USP39: variants seen among roughly 807,000 people sequenced by gnomAD.
USP39 encodes ubiquitin carboxyl-terminal hydrolase 39.
Under a neutral mutation model 66.4 loss-of-function variants are expected in USP39, and 38 were observed. That is an observed-to-expected ratio of 0.57 (90% CI 0.44 to 0.75). The LOEUF (loss-of-function observed/expected upper bound fraction) is 0.75, where lower values mean the gene tolerates loss of function less well. Ranked by LOEUF, USP39 falls within the 30% of genes least tolerant of loss-of-function variation. The pLI is 0.00. For synonymous variants in USP39, 303 were observed against 274.6 expected (o/e 1.10, Z -1.02); for missense variants, 608 against 714.4 (o/e 0.85, Z 1.70).
At chr2:85,630,536 TCAA>T (rs1483997045) in intron 5 of USP39, among the ~76,000 whole-genome samples, 182 bp from the exon 6 acceptor site, 3 of 152,234 alleles carry the variant, frequency 2.0e-5, no homozygotes, top group Admixed American at 6.5e-5. Context: ...CGTATGAAAC[TCAA>T]CGTTAATGAT....
chr2:85,612,146 C>T (rs529805914), upstream of USP39: 4 of 856,236 alleles, frequency 4.7e-6, no homozygotes, highest in African/African-American at 3.4e-5. Flanking sequence ...ACGGAGTTTT[C>T]GGGTCTGGTC....
At chr2:85,614,519 A>T (rs1272379851), upstream of USP39, among the ~76,000 whole-genome samples, 1 of 152,158 alleles carries the variant, frequency 6.6e-6, no homozygotes, top group African/African-American at 2.4e-5. Flanking sequence ...GTATCAAAAA[A>T]ATAAAATGTA....
intron 2 of USP39, among the ~76,000 whole-genome samples, chr2:85,621,025 C>T (rs892659891): frequency 6.6e-6 from 1 of 151,820 alleles, no homozygotes; most frequent in Non-Finnish European, 1.5e-5. Flanking sequence ...AGAGAGGATC[C>T]CACTCTGTAT....
intron 4 of USP39, 105 bp from the exon 5 acceptor site, chr2:85,625,434 G>A (rs1402925732): frequency 2.8e-6 from 4 of 1,448,522 alleles, no homozygotes; most frequent in African/African-American, 1.4e-5. Flanking sequence ...GTGTGTGGTG[G>A]GATGTTCATG....
chr2:85,609,078 G>T, upstream of USP39: 1 of 1,613,836 alleles, frequency 6.2e-7, no homozygotes, highest in Non-Finnish European at 8.5e-7. Flanking sequence ...CTACGTGGAG[G>T]AAGAGTCAGA....
intron 6 of USP39, among the ~76,000 whole-genome samples, chr2:85,631,640 C>G (rs895408871): frequency 2.6e-5 from 4 of 152,142 alleles, no homozygotes; most frequent in African/African-American, 9.7e-5. Flanking sequence ...TAGGGAAATA[C>G]CAGGAGGCTG....
At chr2:85,613,284 A>G (rs2104182443), upstream of USP39, among the ~76,000 whole-genome samples, 1 of 152,196 alleles carries the variant, frequency 6.6e-6, no homozygotes, top group African/African-American at 2.4e-5. Context: ...CCAGGCGGGC[A>G]GATCAAGAGG....
At chr2:85,611,406 G>A (rs963455372), upstream of USP39, 19 of 1,497,444 alleles carry the variant, frequency 1.3e-5, no homozygotes, top group Non-Finnish European at 1.7e-5. Context: ...CTAAAATACA[G>A]CACGGTGGGG....
At chr2:85,628,361 G>A (rs571956381) in intron 5 of USP39, among the ~76,000 whole-genome samples, 1 of 152,082 alleles carries the variant, frequency 6.6e-6, no homozygotes. Context: ...TAGCCAGGAT[G>A]GTCTCGATCT....
intron 2 of USP39, 115 bp downstream of exon 2, chr2:85,619,404 T>A: frequency 9.7e-7 from 1 of 1,027,432 alleles, no homozygotes; most frequent in Non-Finnish European, 1.4e-6. Flanking sequence ...TGAACCTGTC[T>A]AGAGAGTTGT....
chr2:85,645,251 G>T (rs896423737), intron 11 of USP39, 168 bp downstream of exon 11: 31 of 894,006 alleles, frequency 3.5e-5, no homozygotes, highest in African/African-American at 8.6e-5. Flanking sequence ...CTCAATTTTG[G>T]CTACACATTG....
intron 6 of USP39, among the ~76,000 whole-genome samples, chr2:85,635,783 T>C (rs778265949): frequency 2.0e-5 from 3 of 152,166 alleles, no homozygotes; most frequent in Non-Finnish European, 4.4e-5. Context: ...AAAGGTCATA[T>C]TCATTTGTTT....
upstream of USP39, chr2:85,608,953 G>A: frequency 6.2e-7 from 1 of 1,614,200 alleles, no homozygotes; most frequent in Non-Finnish European, 8.5e-7. Context: ...GGTCAGTGTT[G>A]GCTCTGGCGC....
At chr2:85,646,883 C>CTTTTT (rs773751290) in intron 11 of USP39, among the ~76,000 whole-genome samples, 4 of 108,498 alleles carry the variant, frequency 3.7e-5, no homozygotes, top group Non-Finnish European at 5.6e-5. Flanking sequence ...TGACCTGTTG[C>CTTTTT]TTTTTTTTTT....
At position 85,636,042 on chromosome 2, in the gene USP39, T is replaced by C; in HGVS notation, c.950-11T>C. On this transcript the variant is annotated splice_polypyrimidine_tract_variant and intron_variant, in intron 6 of 12. Coordinates refer to ENST00000323701, the MANE Select transcript of USP39 (RefSeq NM_006590.4). ...TAGCTTCAACGTTTTCCACCCTTCC[T>C]TTTTTTCCAGGAGATGGCGTTGACT... 1 of 1,609,768 alleles carries C rather than the reference T, an allele frequency of 6.2e-7. No individual in the cohort carries two copies. Among genetic ancestry groups the C allele is most frequent in the East Asian group, 2.2e-5 (1 of 44,792 alleles).
Position 85,636,043 on chromosome 2 carries a change from T to A in USP39, c.950-10T>A. ...AGCTTCAACGTTTTCCACCCTTCCT[T>A]TTTTTCCAGGAGATGGCGTTGACTT... is the stretch of plus-strand genomic sequence containing the variant. On this transcript the variant is annotated splice_polypyrimidine_tract_variant and intron_variant, in intron 6 of 12. Coordinates refer to ENST00000323701, the MANE Select transcript of USP39 (RefSeq NM_006590.4). 1 of 1,614,104 alleles carries A rather than the reference T, an allele frequency of 6.2e-7. No homozygotes were observed. The highest frequency in any genetic ancestry group is 2.2e-5 in the East Asian group (1 of 44,892).
chr2:85,632,727 C>T (rs1282264100), intron 6 of USP39, among the ~76,000 whole-genome samples: 1 of 151,868 alleles, frequency 6.6e-6, no homozygotes, highest in Admixed American at 6.6e-5. Context: ...GGATTACAGG[C>T]GTGAGCCACC....
At chr2:85,609,072 G>A (rs752757700), upstream of USP39, 7 of 1,613,920 alleles carry the variant, frequency 4.3e-6, no homozygotes, top group East Asian at 2.2e-5. Flanking sequence ...ATCACCCTAC[G>A]TGGAGGAAGA....
rs540944896 is a variant in USP39, at chr2:85,622,413, G to A, written c.433+834G>A. Among the ~76,000 whole-genome samples, 916 of 152,060 alleles carry A rather than the reference G, an allele frequency of 6.0e-3. 5 individuals carry two copies. Among genetic ancestry groups the A allele is most frequent in the Non-Finnish European group, 0.01 (696 of 68,002 alleles). Reference sequence around the variant, plus strand: ...GCTGGGATTACAGGCATGAGCCACCGTGCACGGCCACATTTTTTTAAAAGA... The same window carrying A: ...GCTGGGATTACAGGCATGAGCCACCATGCACGGCCACATTTTTTTAAAAGA... On this transcript the variant is annotated intron_variant, in intron 3 of 12. Transcript: ENST00000323701.
Sources: allele counts gnomAD v4.1 joint callset (sites outside exome capture counted in the v4.1 genomes callset), GRCh38; gene constraint gnomAD v4.1.1; transcripts MANE v1.5; gene names NCBI Gene and HGNC (gene_info 2026-07-23, HGNC 2026-07-21).